The following NDUFAF2 variants were observed in gnomAD, a reference collection of about 807,000 sequenced individuals.
NDUFAF2 encodes the protein NADH:ubiquinone oxidoreductase complex assembly factor 2.
A neutral mutation model predicts 22.8 loss-of-function variants in NDUFAF2; 13 were observed. The observed-to-expected ratio is 0.57, with a 90% CI of 0.37 to 0.91. The LOEUF is 0.91. Ranked by LOEUF, NDUFAF2 falls within the 40% of genes least tolerant of loss-of-function variation. NDUFAF2 has a pLI of 0.01. For synonymous variants in NDUFAF2, 53 were observed against 64.2 expected (o/e 0.83, Z 0.84); for missense variants, 162 against 195.2 (o/e 0.83, Z 1.01).
intron 1 of NDUFAF2, among the ~76,000 whole-genome samples, chr5:60,986,881 G>A (rs1374182038): frequency 1.3e-5 from 2 of 149,514 alleles, no homozygotes; most frequent in African/African-American, 4.9e-5. Context: ...GCAGTGAGCT[G>A]AGATTATGCC....
chr5:60,945,909 G>C (rs1750441000), intron 1 of NDUFAF2, among the ~76,000 whole-genome samples: 1 of 152,076 alleles, frequency 6.6e-6, no homozygotes. Flanking sequence ...TGGCACCCTG[G>C]CTCCGGCGCT....
chr5:60,975,254 G>A (rs1326416832), intron 1 of NDUFAF2, among the ~76,000 whole-genome samples: 2 of 151,948 alleles, frequency 1.3e-5, no homozygotes, highest in East Asian at 1.9e-4. Context: ...TTATTTGGCC[G>A]TCATTACCTA....
At chr5:61,046,018 C>G (rs924772124) in intron 1 of NDUFAF2, among the ~76,000 whole-genome samples, 1 of 151,998 alleles carries the variant, frequency 6.6e-6, no homozygotes, top group Non-Finnish European at 1.5e-5. Flanking sequence ...GAGTTTTTAT[C>G]GTGAAAGCAT....
At chr5:60,981,546 T>A (rs2898309) in intron 1 of NDUFAF2, among the ~76,000 whole-genome samples, 60,510 of 151,840 alleles carry the variant, frequency 0.4, 12,955 homozygotes, top group East Asian at 0.8. Flanking sequence ...ACTGTCACAC[T>A]GAAGTTATGG....
chr5:60,966,089 G>C (rs557653464), intron 1 of NDUFAF2, among the ~76,000 whole-genome samples: 4 of 152,086 alleles, frequency 2.6e-5, no homozygotes, highest in Non-Finnish European at 5.9e-5. Context: ...ATGTCTTGTT[G>C]TGGTTTTAAT....
At chr5:61,038,408 T>A (rs1751829827) in intron 1 of NDUFAF2, among the ~76,000 whole-genome samples, 1 of 152,108 alleles carries the variant, frequency 6.6e-6, no homozygotes, top group South Asian at 2.1e-4. Context: ...CCAAACAAGG[T>A]TTATGGACCA....
intron 1 of NDUFAF2, among the ~76,000 whole-genome samples, chr5:60,951,667 G>A (rs1349482791): frequency 7.9e-5 from 12 of 152,012 alleles, no homozygotes; most frequent in Non-Finnish European, 1.5e-5. Flanking sequence ...TCCTTTTAAT[G>A]TGTTTTCTAG....
At position 61,059,978 on chromosome 5, in the gene NDUFAF2, T is replaced by C. The variant is rs1237116075; in HGVS notation, c.128-13147T>C. ...GTAATAATACTATATGCAAGCTTTA[T>C]AAATGCTAATTTTAAAATCTTAAAC... On this transcript the variant is annotated intron_variant, in intron 1 of 3. Coordinates refer to ENST00000296597, the MANE Select transcript of NDUFAF2 (RefSeq NM_174889.5). Among the ~76,000 whole-genome samples the C allele has an allele frequency of 2.0e-5, 3 of 152,324 alleles. No individual in the cohort carries two copies. The East Asian group carries it at 5.8e-4, about 29-fold the overall frequency.
At chr5:60,972,434 G>C (rs775288337) in intron 1 of NDUFAF2, among the ~76,000 whole-genome samples, 7 of 152,088 alleles carry the variant, frequency 4.6e-5, no homozygotes, top group Non-Finnish European at 7.4e-5. Flanking sequence ...AGATCTGACA[G>C]TTTTGTAAGG....
intron 3 of NDUFAF2, among the ~76,000 whole-genome samples, chr5:61,147,316 T>C (rs1482703811): frequency 6.6e-6 from 1 of 151,882 alleles, no homozygotes; most frequent in Non-Finnish European, 1.5e-5. Context: ...TGGTGTGATC[T>C]TGGCTCACTG....
In NDUFAF2 at chr5:61,151,419, T is replaced by A. The variant is rs763664226; in HGVS notation, c.259-1285T>A. On this transcript the variant is annotated intron_variant, in intron 3 of 3. Transcript: ENST00000296597. ...ATTACAAATAACATATTCTTAAAAA[T>A]TAGATAATACAGGTAAGCAAAAAGA... Among the ~76,000 whole-genome samples, 65 of 152,014 alleles carry A rather than the reference T, an allele frequency of 4.3e-4. 1 individual carries two copies. Among genetic ancestry groups the A allele is most frequent in the Non-Finnish European group, 7.2e-4 (49 of 67,982 alleles).
intron 1 of NDUFAF2, among the ~76,000 whole-genome samples, chr5:61,040,282 A>G (rs997828849): frequency 0.062 from 5,174 of 83,274 alleles, 99 homozygotes; most frequent in African/African-American, 0.089. Flanking sequence ...ACACACACAC[A>G]CACACGCGCG....
intron 3 of NDUFAF2, among the ~76,000 whole-genome samples, chr5:61,107,653 TA>T (rs1400774905): frequency 6.7e-6 from 1 of 148,408 alleles, no homozygotes; most frequent in Non-Finnish European, 1.5e-5. Context: ...TCTCTTTTTT[TA>T]ATTATGATTA....
chr5:61,001,849 C>G (rs1044841794), intron 1 of NDUFAF2, among the ~76,000 whole-genome samples: 5 of 152,066 alleles, frequency 3.3e-5, no homozygotes, highest in Non-Finnish European at 7.4e-5. Flanking sequence ...TGGCCCAATG[C>G]CAACAAATAC....
At chr5:60,947,780 A>C (rs953038225) in intron 1 of NDUFAF2, among the ~76,000 whole-genome samples, 130 of 151,812 alleles carry the variant, frequency 8.6e-4, no homozygotes, top group African/African-American at 3.0e-3. Context: ...AAAAAAAAAA[A>C]AAACAAGCCC....
At chr5:61,128,238 A>G (rs1407477111) in intron 3 of NDUFAF2, among the ~76,000 whole-genome samples, 1 of 152,206 alleles carries the variant, frequency 6.6e-6, no homozygotes, top group African/African-American at 2.4e-5. Flanking sequence ...TAATTTATAG[A>G]TTCAATGCCA....
rs559564252 is a variant in NDUFAF2, at chr5:61,106,541, TACAA to T, written c.258+7514_258+7517del. ...TCAAGCATTTATCCTTTCCTTGTAT[TACAA>T]ACAATCTTAATTATACTCTTTTAGT... On this transcript the variant is annotated intron_variant, in intron 3 of 3. Coordinates refer to ENST00000296597, the MANE Select transcript of NDUFAF2 (RefSeq NM_174889.5). 4.4e-4 allele frequency among the ~76,000 whole-genome samples: 67 copies of T among 151,572 alleles called. 1 individual carries two copies. In the South Asian group the frequency reaches 0.011, roughly 26 times the overall value.
chr5:61,149,409 G>C (rs1741195471), intron 3 of NDUFAF2, among the ~76,000 whole-genome samples: 2 of 152,126 alleles, frequency 1.3e-5, no homozygotes, highest in South Asian at 4.2e-4. Context: ...GGTGTCACAC[G>C]GCTAGCAAAT....
At chr5:61,040,299 C>T (rs918806558) in intron 1 of NDUFAF2, among the ~76,000 whole-genome samples, 8 of 149,792 alleles carry the variant, frequency 5.3e-5, no homozygotes, top group Admixed American at 3.3e-4. Flanking sequence ...CGCGCGCGCG[C>T]GCGAAAGTTG....
Sources: gnomAD v4.1 joint callset for allele counts (sites outside exome capture counted in the v4.1 genomes callset) on GRCh38, gnomAD v4.1.1 for gene constraint, MANE v1.5 for transcripts, NCBI Gene and HGNC (gene_info 2026-07-23, HGNC 2026-07-21) for gene names.